OCA2: variants seen among roughly 807,000 people sequenced by gnomAD.
The protein encoded by OCA2 is P protein.
Under a neutral mutation model 100.2 loss-of-function variants are expected in OCA2, and 77 were observed. The ratio of observed to expected loss-of-function variants is 0.77; its 90% CI spans 0.64 to 0.93. The LOEUF (loss-of-function observed/expected upper bound fraction) is 0.93. Among genes scored for constraint, OCA2 ranks in the 40% least tolerant of loss-of-function variants. The pLI, the probability that OCA2 is intolerant of heterozygous loss-of-function variation, is 0.00. For missense variants in OCA2, 1,062 were observed against 1,089.1 expected (o/e 0.98, Z 0.35); for synonymous variants, 432 against 439.2 (o/e 0.98, Z 0.21).
At chr15:27,904,477 CG>C (rs1487176181) in intron 19 of OCA2, among the ~76,000 whole-genome samples, 7 of 152,100 alleles carry the variant, frequency 4.6e-5, no homozygotes, top group Admixed American at 4.6e-4. Context: ...TAGGGAGGTG[CG>C]GGGGTGGCTG....
chr15:27,770,853 CCTTTCTT>C (rs1566949012), intron 23 of OCA2, among the ~76,000 whole-genome samples: 9 of 101,552 alleles, frequency 8.9e-5, no homozygotes, highest in Non-Finnish European at 7.0e-5. Context: ...TTCCTTCCTT[CCTTTCTT>C]CCTTCCTTCC....
At chr15:27,734,379 T>G in the OCA2 span, among the ~76,000 whole-genome samples, 1 of 151,286 alleles carries the variant, frequency 6.6e-6, no homozygotes, top group African/African-American at 2.4e-5. Context: ...GGAAGGACAG[T>G]TTTACATTAC....
At chr15:27,887,726 G>A (rs1233164020) in intron 19 of OCA2, among the ~76,000 whole-genome samples, 2 of 149,962 alleles carry the variant, frequency 1.3e-5, no homozygotes, top group Non-Finnish European at 3.0e-5. Flanking sequence ...ACAGCTGCAG[G>A]GTGCATTTTG....
chr15:28,007,692 T>C (rs1029951304), intron 9 of OCA2, among the ~76,000 whole-genome samples: 9 of 151,462 alleles, frequency 5.9e-5, no homozygotes, highest in Non-Finnish European at 4.4e-5. Context: ...ATTGCACTAT[T>C]GCACTCCAGC....
rs775978192 is a variant in OCA2, at chr15:28,018,452, A to G, written c.752T>C (p.Val251Ala). Reference protein sequence around the residue: ...PSRPGREEHIVVELTQADALG... With the variant: ...PSRPGREEHIAVELTQADALG... ...AGCGTCAGCCTGGGTCAGCTCCACCACGATGTGCTCTTCCCTCCCAGGACG... is the reference window on the plus strand; with the variant it reads ...AGCGTCAGCCTGGGTCAGCTCCACCGCGATGTGCTCTTCCCTCCCAGGACG... The change falls in exon 7 of 24, where the codon GTG becomes GCG. Residue 251 changes from valine to alanine, a missense_variant. Coordinates refer to ENST00000354638, the MANE Select transcript of OCA2 (RefSeq NM_000275.3). 17 of 1,613,980 alleles carry G rather than the reference A, an allele frequency of 1.1e-5. No individual in the cohort carries two copies. The South Asian group carries it at 1.9e-4, about 18-fold the overall frequency.
intron 23 of OCA2, among the ~76,000 whole-genome samples, chr15:27,756,648 AG>A (rs2030393890): frequency 6.6e-6 from 1 of 152,218 alleles, no homozygotes; most frequent in South Asian, 2.1e-4. Context: ...GGTCAACTCC[AG>A]GCATCACAGA....
intron 23 of OCA2, among the ~76,000 whole-genome samples, chr15:27,801,915 A>G (rs2033631235): frequency 6.6e-6 from 1 of 152,154 alleles, no homozygotes; most frequent in Admixed American, 6.5e-5. Flanking sequence ...CACTCTCAAC[A>G]TTTCTATTAA....
intron 22 of OCA2, among the ~76,000 whole-genome samples, chr15:27,847,007 C>T (rs1470833929): frequency 6.6e-6 from 1 of 152,078 alleles, no homozygotes; most frequent in Non-Finnish European, 1.5e-5. Context: ...GTGGGTGACA[C>T]CAGAGGGGCT....
At chr15:27,751,822 T>C (rs1407009936), downstream of OCA2, among the ~76,000 whole-genome samples, 1 of 152,182 alleles carries the variant, frequency 6.6e-6, no homozygotes, top group Admixed American at 6.5e-5. Flanking sequence ...TAGTCTTCTC[T>C]AGAAAAGCAG....
At chr15:27,722,804 CTCTCTCTCTTTCTCTCTCTCTCTCTCTT>C in the OCA2 span, among the ~76,000 whole-genome samples, 1 of 123,446 alleles carries the variant, frequency 8.1e-6, no homozygotes, top group Non-Finnish European at 1.7e-5. Flanking sequence ...CTCTCTCTTT[CTCTCTCTCTTTCTCTCTCTCTCTCTCTT>C]TCTCTCTTTC....
Position 27,799,988 on chromosome 15 carries a change from T to TCATACAAGGTATC in OCA2, c.2433-44517_2433-44516insGATACCTTGTATG, listed in dbSNP as rs2033526213. Among the ~76,000 whole-genome samples the TCATACAAGGTATC allele has an allele frequency of 8.5e-5, 13 of 152,296 alleles. 1 individual carries two copies. The South Asian group carries it at 2.1e-3, about 24-fold the overall frequency. ...AACCTCACAGACTGCTGTAAGGATT[T>TCATACAAGGTATC]GGGTCATACAAGGTATCTTACCCAG... On this transcript the variant is annotated intron_variant, in intron 23 of 23. Coordinates refer to ENST00000354638, the MANE Select transcript of OCA2 (RefSeq NM_000275.3).
intron 6 of OCA2, among the ~76,000 whole-genome samples, chr15:28,021,216 G>A (rs2042583937): frequency 1.3e-5 from 2 of 152,216 alleles, no homozygotes; most frequent in Non-Finnish European, 2.9e-5. Flanking sequence ...CGCACTAGCA[G>A]TACCGGGGGC....
intron 23 of OCA2, among the ~76,000 whole-genome samples, chr15:27,785,827 G>A (rs2032787406): frequency 6.6e-6 from 1 of 152,166 alleles, no homozygotes; most frequent in Admixed American, 6.5e-5. Flanking sequence ...ATAGCCAAAA[G>A]GTGGAAGCAA....
chr15:27,991,193 G>A (rs150098997), intron 9 of OCA2, among the ~76,000 whole-genome samples: 3 of 152,280 alleles, frequency 2.0e-5, no homozygotes, highest in Non-Finnish European at 1.5e-5. Flanking sequence ...ATTGCTAGTG[G>A]GAATGTAAAA....
intron 21 of OCA2, among the ~76,000 whole-genome samples, chr15:27,869,974 G>A (rs1259790289): frequency 6.6e-6 from 1 of 152,194 alleles, no homozygotes; most frequent in Non-Finnish European, 1.5e-5. Context: ...AGTTAGTTCA[G>A]GATTACCACA....
intron 4 of OCA2, among the ~76,000 whole-genome samples, chr15:28,025,392 T>C (rs1378245447): frequency 6.6e-6 from 1 of 152,190 alleles, no homozygotes; most frequent in Non-Finnish European, 1.5e-5. Context: ...AAGAATTCCT[T>C]AGGCGATAAC....
At position 28,081,644 on chromosome 15, in the gene OCA2, T is replaced by A. The variant is rs1190415272; in HGVS notation, c.227+4A>T. On this transcript the variant is annotated splice_donor_region_variant and intron_variant, in intron 2 of 23. Transcript: ENST00000354638. The stretch of plus-strand genomic sequence containing the variant: ...TTTACAAGATGGCACTATTTTAAAC[T>A]CACCTCCCTTTTGTGAGGAATGAAG... The A allele has an allele frequency of 1.9e-6, 3 of 1,612,844 alleles. No individual in the cohort carries two copies. The East Asian group carries it at 6.7e-5, about 36-fold the overall frequency.
chr15:27,972,439 G>A (rs2040821937), intron 14 of OCA2, among the ~76,000 whole-genome samples: 2 of 152,210 alleles, frequency 1.3e-5, no homozygotes, highest in Admixed American at 6.5e-5. Flanking sequence ...TTTTCCATAA[G>A]GGTTGTATTA....
intron 8 of OCA2, 76 bp downstream of exon 8, chr15:28,016,028 G>T: frequency 8.8e-7 from 1 of 1,136,668 alleles, no homozygotes; most frequent in Non-Finnish European, 1.3e-6. Flanking sequence ...CGAAATCAGT[G>T]TCCTATAGGT....
Sources: gnomAD v4.1 joint callset for allele counts (sites outside exome capture counted in the v4.1 genomes callset) on GRCh38, gnomAD v4.1.1 for gene constraint, MANE v1.5 for transcripts, NCBI Gene and HGNC (gene_info 2026-07-23, HGNC 2026-07-21) for gene names.